The following CLSTN2 variants were observed in gnomAD, a reference collection of about 807,000 sequenced individuals.
CLSTN2 encodes calsyntenin 2.
CLSTN2 carries 48 observed loss-of-function variants against 101.2 expected under a neutral mutation model. The observed-to-expected ratio is 0.47, with a 90% CI of 0.38 to 0.60. The LOEUF (loss-of-function observed/expected upper bound fraction) is 0.60. Among genes scored for constraint, CLSTN2 ranks in the 20% least tolerant of loss-of-function variants. The probability of loss-of-function intolerance (pLI) is 0.00; values close to 1 mark genes in which losing one functional copy is unlikely to be tolerated. For synonymous variants in CLSTN2, 481 were observed against 463.6 expected (o/e 1.04, Z -0.48); for missense variants, 1,160 against 1,238.2 (o/e 0.94, Z 0.95).
chr3:139,954,882 G>C (rs528081162), intron 1 of CLSTN2, among the ~76,000 whole-genome samples: 2 of 151,940 alleles, frequency 1.3e-5, no homozygotes, highest in Non-Finnish European at 2.9e-5. Flanking sequence ...AAGAGACTTA[G>C]TGCACCGAGC....
At position 139,998,336 on chromosome 3, in the gene CLSTN2, C is replaced by CTTTTTTTTTTTTTTTTTTTTT. The variant is rs60541490; in HGVS notation, c.109+62873_109+62874insTTTTTTTTTTTTTTTTTTTTT. On this transcript the variant is annotated intron_variant, in intron 1 of 16. Coordinates refer to ENST00000458420, the MANE Select transcript of CLSTN2 (RefSeq NM_022131.3). ...ATGGGATAATAGTTCCCCCACATGC[C>CTTTTTTTTTTTTTTTTTTTTT]TTTTTTTTTTTTTTTTTTTTGTGAC... 2.3e-3 allele frequency among the ~76,000 whole-genome samples: 155 copies of CTTTTTTTTTTTTTTTTTTTTT among 66,808 alleles called. 25 individuals are homozygous for CTTTTTTTTTTTTTTTTTTTTT. The highest frequency in any genetic ancestry group is 0.017 in the Middle Eastern group (1 of 58). The allele number at this position is 66,808 out of a possible 152,430, so 43.8% of individuals were successfully genotyped here. A position where few individuals can be genotyped will look rare whatever the true frequency, so the allele number is the denominator to read the frequency against.
chr3:140,158,183 A>C (rs111972607), intron 1 of CLSTN2, among the ~76,000 whole-genome samples: 4,660 of 152,316 alleles, frequency 0.031, 98 homozygotes, highest in Non-Finnish European at 0.047. Context: ...CGTATTCAAC[A>C]TAGTACTGGA....
At chr3:140,245,082 A>G (rs889228258) in intron 2 of CLSTN2, among the ~76,000 whole-genome samples, 3 of 152,126 alleles carry the variant, frequency 2.0e-5, no homozygotes, top group African/African-American at 4.8e-5. Flanking sequence ...GTACTTCGGG[A>G]GACCCTGATC....
chr3:140,252,046 AG>A (rs1237167976), intron 2 of CLSTN2, among the ~76,000 whole-genome samples: 1 of 152,156 alleles, frequency 6.6e-6, no homozygotes, highest in Non-Finnish European at 1.5e-5. Flanking sequence ...CATGATGGAG[AG>A]GCATTGGAGA....
intron 1 of CLSTN2, among the ~76,000 whole-genome samples, chr3:140,162,586 G>C (rs1262730942): frequency 6.6e-6 from 1 of 152,108 alleles, no homozygotes; most frequent in Non-Finnish European, 1.5e-5. Context: ...GGATGACCTA[G>C]GGTATTCGCT....
intron 8 of CLSTN2, among the ~76,000 whole-genome samples, chr3:140,529,248 T>C (rs1935205988): frequency 6.6e-6 from 1 of 152,210 alleles, no homozygotes; most frequent in Non-Finnish European, 1.5e-5. Context: ...TCCCTGGGTC[T>C]CTGGTCTCTG....
chr3:140,411,968 C>T (rs941832706), intron 4 of CLSTN2, among the ~76,000 whole-genome samples: 1 of 152,146 alleles, frequency 6.6e-6, no homozygotes, highest in Non-Finnish European at 1.5e-5. Flanking sequence ...TATGTTTTTA[C>T]TGAGTTCAAA....
chr3:140,255,350 G>A (rs1397052841), intron 2 of CLSTN2, among the ~76,000 whole-genome samples: 4 of 152,134 alleles, frequency 2.6e-5, no homozygotes, highest in Non-Finnish European at 2.9e-5. Context: ...CACATGCAGT[G>A]TATGTTCATT....
At chr3:140,374,971 G>T (rs1225564737) in intron 2 of CLSTN2, among the ~76,000 whole-genome samples, 2 of 152,220 alleles carry the variant, frequency 1.3e-5, no homozygotes, top group Non-Finnish European at 2.9e-5. Context: ...CAGAATTTAA[G>T]ACTCACAAGT....
At chr3:140,500,038 G>A (rs1934547331) in intron 8 of CLSTN2, among the ~76,000 whole-genome samples, 1 of 151,722 alleles carries the variant, frequency 6.6e-6, no homozygotes. Context: ...CTGCACTCCA[G>A]TCTGGGTGAC....
chr3:140,407,636 AT>A (rs1224492382), intron 4 of CLSTN2, among the ~76,000 whole-genome samples: 27 of 152,294 alleles, frequency 1.8e-4, no homozygotes, highest in African/African-American at 6.3e-4. Flanking sequence ...GGGACTTGAG[AT>A]TTATTTACCA....
intron 2 of CLSTN2, among the ~76,000 whole-genome samples, chr3:140,270,616 A>G (rs1034280234): frequency 6.6e-6 from 1 of 152,132 alleles, no homozygotes; most frequent in Non-Finnish European, 1.5e-5. Context: ...GTGTGTAGAC[A>G]GGAGGATGGG....
intron 2 of CLSTN2, among the ~76,000 whole-genome samples, chr3:140,310,035 G>A (rs1341126414): frequency 1.3e-5 from 2 of 151,934 alleles, no homozygotes; most frequent in African/African-American, 4.8e-5. Context: ...CTGGTCATGG[G>A]GTTCTAGCCT....
intron 2 of CLSTN2, among the ~76,000 whole-genome samples, chr3:140,387,958 C>A (rs555078835): frequency 1.3e-5 from 2 of 152,338 alleles, no homozygotes; most frequent in South Asian, 2.1e-4. Flanking sequence ...CACTCATTCT[C>A]CCTATTGAAG....
intron 1 of CLSTN2, among the ~76,000 whole-genome samples, chr3:140,153,048 C>T (rs1053804320): frequency 1.6e-4 from 25 of 152,106 alleles, no homozygotes; most frequent in Admixed American, 9.8e-4. Flanking sequence ...GGTTGGTGTG[C>T]GAACATTTTG....
At chr3:140,247,982 G>T (rs1559818472) in intron 2 of CLSTN2, among the ~76,000 whole-genome samples, 2 of 152,164 alleles carry the variant, frequency 1.3e-5, no homozygotes, top group African/African-American at 4.8e-5. Context: ...AAGCTCCCAG[G>T]GTTGAGGTCA....
At position 140,145,972 on chromosome 3, in the gene CLSTN2, C is replaced by T. The variant is rs114763949; in HGVS notation, c.110-29979C>T. ...AAACACTTTTCCACAAGAAGCCTAC[C>T]TTGTTTCTGGGAGTTAGTTGGATGG... On this transcript the variant is annotated intron_variant, in intron 1 of 16. Coordinates refer to ENST00000458420, the MANE Select transcript of CLSTN2 (RefSeq NM_022131.3). Among the ~76,000 whole-genome samples the T allele has an allele frequency of 6.2e-3, 949 of 152,324 alleles. 4 individuals carry two copies. The highest frequency in any genetic ancestry group is 0.02 in the African/African-American group (819 of 41,556).
At chr3:140,339,206 A>G (rs1438343716) in intron 2 of CLSTN2, among the ~76,000 whole-genome samples, 6 of 152,174 alleles carry the variant, frequency 3.9e-5, no homozygotes, top group Non-Finnish European at 8.8e-5. Context: ...GTTCTCAGGG[A>G]AATTTTTTCC....
chr3:140,392,583 C>T (rs1193910616), intron 2 of CLSTN2, among the ~76,000 whole-genome samples: 1 of 151,928 alleles, frequency 6.6e-6, no homozygotes, highest in Admixed American at 6.5e-5. Context: ...GTCATATTAG[C>T]CACATTTCAA....
Sources: gnomAD v4.1 joint callset for allele counts (sites outside exome capture counted in the v4.1 genomes callset) on GRCh38, gnomAD v4.1.1 for gene constraint, MANE v1.5 for transcripts, NCBI Gene and HGNC (gene_info 2026-07-23, HGNC 2026-07-21) for gene names.